COL12A1: variants seen among roughly 807,000 people sequenced by gnomAD.
The protein encoded by COL12A1 is collagen type XII alpha 1 chain, also known as collagen alpha-1(XII) chain.
COL12A1 carries 114 observed loss-of-function variants against 349.7 expected under a neutral mutation model. The observed-to-expected ratio is 0.33, with a 90% CI of 0.28 to 0.38. COL12A1 has a LOEUF of 0.38. Ranked by LOEUF, COL12A1 falls within the 10% of genes least tolerant of loss-of-function variation. The pLI is 1.00. For missense variants in COL12A1, 3,284 were observed against 3,756.9 expected, an observed-to-expected ratio of 0.87 and a Z score of 3.29; for synonymous variants, 1,369 against 1,329.0, an observed-to-expected ratio of 1.03 and a Z score of -0.66.
At chr6:75,160,934 G>A (rs1041312293) in intron 14 of COL12A1, among the ~76,000 whole-genome samples, 2 of 152,170 alleles carry the variant, frequency 1.3e-5, no homozygotes, top group Admixed American at 6.6e-5. Flanking sequence ...ACTGATGTAT[G>A]TGTGAGCTAT....
At chr6:75,142,449 T>C (rs1766946608) in intron 26 of COL12A1, among the ~76,000 whole-genome samples, 1 of 152,226 alleles carries the variant, frequency 6.6e-6, no homozygotes, top group Non-Finnish European at 1.5e-5. Context: ...TTTATATCAC[T>C]GCATTATTTC....
In COL12A1 at chr6:75,138,950, C is replaced by T. The variant is rs1766760330; in HGVS notation, c.4969G>A (p.Ala1657Thr). 1 of 1,614,010 alleles carries T rather than the reference C, an allele frequency of 6.2e-7. No individual in the cohort carries two copies. ...TCAGTAATCTTTAAGTTTGTTGGGGCTGGCACGGGTCCTATCATGAGAAAA... is the reference window on the plus strand; with the variant it reads ...TCAGTAATCTTTAAGTTTGTTGGGGTTGGCACGGGTCCTATCATGAGAAAA... ...TAQETTRPVPAPTNLKITEVT... is the reference protein window; with the variant it reads ...TAQETTRPVPTPTNLKITEVT... Residue 1657 changes from alanine (A) to threonine (T), a missense_variant, in exon 28 of 66, where the codon GCC (alanine) becomes ACC (threonine). Transcript: ENST00000322507.
chr6:75,131,853 GT>G, intron 35 of COL12A1, 86 bp downstream of exon 35: 1 of 1,446,764 alleles, frequency 6.9e-7, no homozygotes, highest in Non-Finnish European at 9.5e-7. Context: ...CATGTTTGTG[GT>G]TTGTGTTCTC....
intron 65 of COL12A1, 100 bp from the exon 66 acceptor site, chr6:75,086,657 T>C: frequency 2.8e-6 from 1 of 350,992 alleles, no homozygotes. Context: ...AGTATATATA[T>C]ATATATATAT....
Position 75,151,301 on chromosome 6 carries a change from T to C in COL12A1, c.4001-14A>G. 2.5e-6 allele frequency: 4 copies of C among 1,606,600 alleles called. No individual in the cohort carries two copies. The highest frequency in any genetic ancestry group is 3.4e-6 in the Non-Finnish European group (4 of 1,175,822). ...CATTTTTAATACCTTCAAAAACGGATATATACAAATTAAAAGCACTTCTCA... is the reference window on the plus strand; with the variant it reads ...CATTTTTAATACCTTCAAAAACGGACATATACAAATTAAAAGCACTTCTCA... On this transcript the variant is annotated splice_polypyrimidine_tract_variant and intron_variant, in intron 20 of 65. Transcript: ENST00000322507.
chr6:75,147,930 G>T (rs1767284978), intron 22 of COL12A1, 126 bp from the exon 23 acceptor site: 1 of 1,036,836 alleles, frequency 9.6e-7, no homozygotes, highest in Non-Finnish European at 1.4e-6. Context: ...ATTGTCTTTT[G>T]TATTTGGAAA....
At chr6:75,145,493 A>G in intron 24 of COL12A1, 38 bp from the exon 25 acceptor site, 1 of 1,593,344 alleles carries the variant, frequency 6.3e-7, no homozygotes, top group Non-Finnish European at 8.6e-7. Context: ...AAGATATTCA[A>G]ATCAAACTTT....
chr6:75,152,397 G>A lies in COL12A1; in HGVS notation c.3651C>T (p.Thr1217=), dbSNP rs140319205. The change falls in exon 18 of 66, where the codon ACC becomes ACT. Residue 1217 remains threonine (T), a synonymous_variant. Coordinates refer to ENST00000322507, the MANE Select transcript of COL12A1 (RefSeq NM_004370.6). ...CAATACGAGAAATGAAACTCCTCAC[G>A]GTTCTAAAATTTGCCCGGCCGATGC... is the stretch of plus-strand genomic sequence containing the variant. The part of the protein sequence containing the change: ...SWSIGRANFR[T]VRSFISRIVE... The A allele has an allele frequency of 6.2e-4, 1,004 of 1,613,588 alleles. 7 individuals carry two copies. The African/African-American group carries it at 0.012, about 19-fold the overall frequency.
chr6:75,157,394 T>C (rs369460481), intron 14 of COL12A1, among the ~76,000 whole-genome samples: 24 of 151,742 alleles, frequency 1.6e-4, no homozygotes, highest in Admixed American at 1.6e-3. Flanking sequence ...AAGAGAAAAT[T>C]TCGTGTTCAA....
In COL12A1 at chr6:75,133,412, G is replaced by T; in HGVS notation, c.5675C>A (p.Pro1892His). Residue 1892 changes from proline to histidine, a missense_variant, in exon 34 of 66, where the codon CCC becomes CAC. This residue lies in a region of COL12A1 where 2,601 missense variants were observed against 2,824.8 expected (regional missense o/e 0.92). Coordinates refer to ENST00000322507, the MANE Select transcript of COL12A1 (RefSeq NM_004370.6). ...AGGPEELVPI[P>H]GNTNYAILRN... ...AAGAATGGCATAATTGGTATTCCCG[G>T]GGATTGGTACCTAAAGATTTTAATA... The T allele has an allele frequency of 6.2e-7, 1 of 1,607,804 alleles. No homozygotes were observed. The highest frequency in any genetic ancestry group is 8.5e-7 in the Non-Finnish European group (1 of 1,178,152).
intron 64 of COL12A1, 100 bp downstream of exon 64, chr6:75,089,006 C>CAAAAAA (rs1340603607): frequency 3.8e-6 from 3 of 784,074 alleles, no homozygotes; most frequent in African/African-American, 3.7e-5. Context: ...GTCTCAAAAA[C>CAAAAAA]AAAAAAAAGA....
intron 32 of COL12A1, among the ~76,000 whole-genome samples, 188 bp from the exon 33 acceptor site, chr6:75,134,185 AG>A (rs1766463353): frequency 2.0e-5 from 3 of 152,188 alleles, no homozygotes; most frequent in Non-Finnish European, 4.4e-5. Context: ...TCTATCCACA[AG>A]ACATTTTGGT....
intron 46 of COL12A1, 70 bp from the exon 47 acceptor site, chr6:75,117,616 A>C: frequency 6.6e-7 from 1 of 1,514,670 alleles, no homozygotes; most frequent in South Asian, 1.3e-5. Context: ...ACAATGCAAA[A>C]AAATTCTTAT....
Position 75,086,420 on chromosome 6 carries a change from G to A in COL12A1, c.*127C>T, listed in dbSNP as rs1055343495. On this transcript the variant is annotated 3_prime_UTR_variant, in exon 66 of 66. Transcript: ENST00000322507. ...CTCCTTTGTGATGTCGACCCGGTTC[G>A]TTAACCATTATCTGTGGTGAGATTT... 5.3e-5 allele frequency: 40 copies of A among 758,964 alleles called. 1 individual carries two copies. The highest frequency in any genetic ancestry group is 1.0e-5 in the Non-Finnish European group (5 of 485,434). 47.0% of individuals were successfully genotyped at this position (758,964 alleles called of 1,614,324 possible).
At chr6:75,192,073 C>T in intron 4 of COL12A1, 139 bp downstream of exon 4, 1 of 612,208 alleles carries the variant, frequency 1.6e-6, no homozygotes, top group Non-Finnish European at 2.6e-6. Context: ...TTCATGTCCA[C>T]TAATAACTAG....
chr6:75,114,344 A>G (rs1191146631), intron 49 of COL12A1, among the ~76,000 whole-genome samples: 1 of 151,982 alleles, frequency 6.6e-6, no homozygotes, highest in East Asian at 1.9e-4. Flanking sequence ...TATGAAGGCC[A>G]TATACATGTG....
intron 51 of COL12A1, among the ~76,000 whole-genome samples, chr6:75,110,586 G>A (rs1407298563): frequency 6.6e-6 from 1 of 151,886 alleles, no homozygotes; most frequent in African/African-American, 2.4e-5. Context: ...TCCCTTCCCA[G>A]ACTCTGCCAT....
At chr6:75,111,930 G>A (rs1768859911) in intron 51 of COL12A1, among the ~76,000 whole-genome samples, 1 of 151,614 alleles carries the variant, frequency 6.6e-6, no homozygotes. Context: ...CAACACTCTG[G>A]AAAGAAAGCA....
At chr6:75,181,235 G>A (rs369722324) in intron 10 of COL12A1, 24 bp from the exon 11 acceptor site, 359 of 1,482,630 alleles carry the variant, frequency 2.4e-4, no homozygotes, top group Non-Finnish European at 1.0e-4. Context: ...AAAAAAGACA[G>A]TTAAAAATGC....
Sources: allele counts gnomAD v4.1 joint callset (sites outside exome capture counted in the v4.1 genomes callset), GRCh38; gene constraint gnomAD v4.1.1; regional missense constraint gnomAD v4.1.1; transcripts MANE v1.5; gene names NCBI Gene and HGNC (gene_info 2026-07-23, HGNC 2026-07-21).